Variants in ANKRD45 observed in about 807,000 individuals in gnomAD.
The protein encoded by ANKRD45 is ankyrin repeat domain 45.
In ANKRD45, 21 loss-of-function variants were observed where a neutral mutation model predicts 28.1. The observed-to-expected ratio is 0.75, with a 90% confidence interval of 0.53 to 1.08. The LOEUF (loss-of-function observed/expected upper bound fraction) is 1.08. ANKRD45 is among the 50% of genes least tolerant of loss of function. The probability of loss-of-function intolerance (pLI) is 0.00; values close to 1 mark genes in which losing one functional copy is unlikely to be tolerated. For missense variants in ANKRD45, 261 were observed against 308.7 expected, an observed-to-expected ratio of 0.85 and a Z score of 1.16; for synonymous variants, 86 against 103.9, an observed-to-expected ratio of 0.83 and a Z score of 1.05.
At chr1:173,653,757 A>T (rs1345529399) in intron 2 of ANKRD45, among the ~76,000 whole-genome samples, 2 of 151,932 alleles carry the variant, frequency 1.3e-5, no homozygotes, top group African/African-American at 2.4e-5. Context: ...GTCTCTAAGG[A>T]CCTGCTTTAT....
rs1000897706 is a variant in ANKRD45 at position 173,608,381 on chromosome 1, G to A, written c.*1764C>T. ...CACCCAGGCTGGAATGCAGTGGTGC[G>A]ATCTCGGCTCACTGCAACCTCCACC... On this transcript the variant is annotated 3_prime_UTR_variant, in exon 6 of 6. Coordinates refer to ENST00000333279, the MANE Select transcript of ANKRD45 (RefSeq NM_198493.3). Among the ~76,000 whole-genome samples, 4 of 152,032 alleles carry A rather than the reference G, an allele frequency of 2.6e-5. No homozygotes were observed. Among genetic ancestry groups the A allele is most frequent in the African/African-American group, 7.3e-5 (3 of 41,368 alleles).
At chr1:173,660,403 A>G (rs1440323523) in intron 1 of ANKRD45, among the ~76,000 whole-genome samples, 1 of 152,240 alleles carries the variant, frequency 6.6e-6, no homozygotes, top group East Asian at 1.9e-4. Context: ...AAAATGGTAT[A>G]TAACTGTTAA....
At chr1:173,671,176 C>T (rs1223290478), upstream of ANKRD45, among the ~76,000 whole-genome samples, 3 of 152,032 alleles carry the variant, frequency 2.0e-5, no homozygotes, top group Non-Finnish European at 2.9e-5. Context: ...GCCACCCCAC[C>T]CCCTATTTTT....
At chr1:173,647,849 G>A (rs1558135916) in intron 2 of ANKRD45, among the ~76,000 whole-genome samples, 1 of 152,126 alleles carries the variant, frequency 6.6e-6, no homozygotes, top group Non-Finnish European at 1.5e-5. Flanking sequence ...GCAGTGGCAT[G>A]AATAGCTCAC....
intron 3 of ANKRD45, among the ~76,000 whole-genome samples, chr1:173,642,260 T>C (rs1668735410): frequency 6.6e-6 from 1 of 152,236 alleles, no homozygotes; most frequent in East Asian, 1.9e-4. Context: ...CTTATTCTCA[T>C]AGGCTGTTGT....
intron 1 of ANKRD45, among the ~76,000 whole-genome samples, chr1:173,665,357 A>G (rs1162149479): frequency 6.6e-6 from 1 of 152,122 alleles, no homozygotes; most frequent in Non-Finnish European, 1.5e-5. Flanking sequence ...CTTTTTTAAT[A>G]TGCCATAGTT....
At chr1:173,626,184 A>G (rs1022939391) in intron 4 of ANKRD45, among the ~76,000 whole-genome samples, 2 of 152,186 alleles carry the variant, frequency 1.3e-5, no homozygotes, top group African/African-American at 4.8e-5. Flanking sequence ...TTATACTTTT[A>G]GCAATACCTA....
At chr1:173,641,123 G>C (rs1202988612) in intron 3 of ANKRD45, among the ~76,000 whole-genome samples, 1 of 152,202 alleles carries the variant, frequency 6.6e-6, no homozygotes, top group East Asian at 1.9e-4. Flanking sequence ...GATAAAACTA[G>C]GGTGTCTATT....
intron 5 of ANKRD45, among the ~76,000 whole-genome samples, chr1:173,617,676 G>A (rs1003340799): frequency 2.6e-5 from 4 of 152,226 alleles, no homozygotes; most frequent in Non-Finnish European, 4.4e-5. Flanking sequence ...ATGTCTCTGC[G>A]GTTCAGTCAA....
the ANKRD45 span, among the ~76,000 whole-genome samples, chr1:173,705,019 C>T: frequency 6.6e-6 from 1 of 152,266 alleles, no homozygotes; most frequent in South Asian, 2.1e-4. Flanking sequence ...CAGCATTGAC[C>T]AGTGATTGAA....
the ANKRD45 span, among the ~76,000 whole-genome samples, chr1:173,685,509 A>G: frequency 1.3e-5 from 2 of 152,222 alleles, no homozygotes; most frequent in African/African-American, 4.8e-5. Context: ...CTGGCCTACC[A>G]TGCACACAAG....
the ANKRD45 span, among the ~76,000 whole-genome samples, chr1:173,677,452 G>A: frequency 1.3e-5 from 2 of 152,078 alleles, no homozygotes; most frequent in Admixed American, 1.3e-4. Flanking sequence ...TGATATTAAT[G>A]GTTAATTTAT....
chr1:173,635,576 G>A (rs777619605), intron 3 of ANKRD45: 11 of 1,534,740 alleles, frequency 7.2e-6, no homozygotes, highest in Middle Eastern at 1.7e-4. Flanking sequence ...CTGCTTCTTC[G>A]GGGAGAGTTT....
chr1:173,659,507 T>A, intron 1 of ANKRD45, 74 bp from the exon 2 acceptor site: 1 of 1,294,568 alleles, frequency 7.7e-7, no homozygotes, highest in Non-Finnish European at 1.1e-6. Context: ...ATTTGCTCAG[T>A]CAACTGACAA....
At chr1:173,646,109 T>C (rs955526206) in intron 3 of ANKRD45, among the ~76,000 whole-genome samples, 2 of 152,218 alleles carry the variant, frequency 1.3e-5, no homozygotes, top group African/African-American at 2.4e-5. Context: ...ACTTCATAAA[T>C]ACTAGCTTAG....
the ANKRD45 span, among the ~76,000 whole-genome samples, chr1:173,697,830 G>A: frequency 2.6e-5 from 4 of 152,178 alleles, no homozygotes; most frequent in Non-Finnish European, 5.9e-5. Context: ...AACCTTAAAT[G>A]TAAATGGGCT....
chr1:173,638,315 G>A (rs1668546384), intron 3 of ANKRD45, among the ~76,000 whole-genome samples: 1 of 152,110 alleles, frequency 6.6e-6, no homozygotes. Flanking sequence ...AAGAATCTGG[G>A]GGATTGAGCC....
chr1:173,659,559 T>C, intron 1 of ANKRD45, 126 bp from the exon 2 acceptor site: 3 of 817,916 alleles, frequency 3.7e-6, no homozygotes, highest in Non-Finnish European at 5.3e-6. Context: ...AAAATAACTA[T>C]AAAGTAAGAT....
At chr1:173,654,020 C>T (rs1669373443) in intron 2 of ANKRD45, among the ~76,000 whole-genome samples, 1 of 149,396 alleles carries the variant, frequency 6.7e-6, no homozygotes, top group Admixed American at 6.7e-5. Flanking sequence ...AGATGGGTCT[C>T]CTGAGTACAG....
Sources: gnomAD v4.1 joint callset for allele counts (sites outside exome capture counted in the v4.1 genomes callset) on GRCh38, gnomAD v4.1.1 for gene constraint, MANE v1.5 for transcripts, NCBI Gene and HGNC (gene_info 2026-07-23, HGNC 2026-07-21) for gene names.